Variants in FOXP2 observed in about 807,000 individuals in gnomAD.
FOXP2 encodes forkhead box P2.
In FOXP2, 12 loss-of-function variants were observed where a neutral mutation model predicts 115.8. That is an observed-to-expected ratio of 0.10 (90% confidence interval 0.07 to 0.17). The LOEUF (loss-of-function observed/expected upper bound fraction) is 0.17. Among genes scored for constraint, FOXP2 ranks in the 10% least tolerant of loss-of-function variants. The pLI is 1.00. For missense variants in FOXP2, 629 were observed against 843.5 expected, an observed-to-expected ratio of 0.75 and a Z score of 3.15; for synonymous variants, 328 against 297.7, an observed-to-expected ratio of 1.10 and a Z score of -1.05.
intron 1 of FOXP2, among the ~76,000 whole-genome samples, chr7:114,254,750 A>C (rs1000757059): frequency 3.3e-5 from 5 of 152,194 alleles, no homozygotes; most frequent in African/African-American, 1.2e-4. Context: ...TTCCTCCTTT[A>C]GCTCAGAGAA....
chr7:114,440,750 C>A (rs1292668361), intron 2 of FOXP2, among the ~76,000 whole-genome samples: 2 of 152,120 alleles, frequency 1.3e-5, no homozygotes, highest in African/African-American at 4.8e-5. Flanking sequence ...ATATATCATC[C>A]ATGGCTATTC....
chr7:114,282,105 T>G (rs1041433449), intron 1 of FOXP2, among the ~76,000 whole-genome samples: 3 of 152,198 alleles, frequency 2.0e-5, no homozygotes, highest in Non-Finnish European at 2.9e-5. Flanking sequence ...ACCTCAGTAC[T>G]CTACAAAGAT....
chr7:114,577,864 A>T (rs902454625), intron 3 of FOXP2, among the ~76,000 whole-genome samples: 15 of 151,948 alleles, frequency 9.9e-5, no homozygotes, highest in Non-Finnish European at 1.5e-4. Context: ...ATCATAAGAG[A>T]TTATAATAAA....
At chr7:114,148,446 C>A (rs1316016044) in intron 1 of FOXP2, among the ~76,000 whole-genome samples, 1 of 152,034 alleles carries the variant, frequency 6.6e-6, no homozygotes, top group Non-Finnish European at 1.5e-5. Flanking sequence ...TTCACTTATC[C>A]TCTCCACCTG....
intron 8 of FOXP2, among the ~76,000 whole-genome samples, chr7:114,647,782 G>A (rs1024909777): frequency 6.6e-6 from 1 of 152,008 alleles, no homozygotes; most frequent in Non-Finnish European, 1.5e-5. Flanking sequence ...TTGGAACTAA[G>A]TCAGCTTGAA....
At chr7:114,600,791 A>G (rs1252423722) in intron 3 of FOXP2, among the ~76,000 whole-genome samples, 2 of 152,134 alleles carry the variant, frequency 1.3e-5, no homozygotes, top group Non-Finnish European at 2.9e-5. Context: ...TCATCTGTGT[A>G]TCTTCTTTGG....
chr7:114,458,004 A>G (rs1370076914), intron 2 of FOXP2, among the ~76,000 whole-genome samples: 1 of 152,234 alleles, frequency 6.6e-6, no homozygotes, highest in African/African-American at 2.4e-5. Context: ...AGAAATTAAG[A>G]TTTTAAAAAT....
At chr7:114,365,078 G>A (rs1381350346) in intron 2 of FOXP2, among the ~76,000 whole-genome samples, 1 of 152,076 alleles carries the variant, frequency 6.6e-6, no homozygotes, top group Non-Finnish European at 1.5e-5. Context: ...TATGAACATA[G>A]CTAGGATTCA....
chr7:114,347,588 A>C (rs747728185), intron 2 of FOXP2, among the ~76,000 whole-genome samples: 9 of 152,066 alleles, frequency 5.9e-5, no homozygotes, highest in Non-Finnish European at 8.8e-5. Flanking sequence ...TCTCCAAATA[A>C]TAGATATCTA....
chr7:114,221,528 ATG>A (rs1337717014), intron 1 of FOXP2, among the ~76,000 whole-genome samples: 1 of 152,052 alleles, frequency 6.6e-6, no homozygotes, highest in Admixed American at 6.6e-5. Flanking sequence ...CACTTTTTCC[ATG>A]TGTATCTTCC....
intron 3 of FOXP2, among the ~76,000 whole-genome samples, chr7:114,590,773 AG>A (rs2129307726): frequency 6.6e-6 from 1 of 152,244 alleles, no homozygotes; most frequent in East Asian, 1.9e-4. Context: ...AAGTGGATGA[AG>A]GGTAGGTATG....
chr7:114,147,579 T>C (rs1399122806), intron 1 of FOXP2, among the ~76,000 whole-genome samples: 1 of 152,188 alleles, frequency 6.6e-6, no homozygotes, highest in Non-Finnish European at 1.5e-5. Context: ...CTGCCACAAG[T>C]CCATGTTTAT....
chr7:114,512,022 A>T (rs969092394), intron 2 of FOXP2, among the ~76,000 whole-genome samples: 1 of 152,170 alleles, frequency 6.6e-6, no homozygotes, highest in Admixed American at 6.6e-5. Context: ...TTATTCATTT[A>T]TCAGCTGGAA....
chr7:114,567,335 T>A (rs1801076079), intron 3 of FOXP2, among the ~76,000 whole-genome samples: 1 of 152,096 alleles, frequency 6.6e-6, no homozygotes, highest in South Asian at 2.1e-4. Context: ...CTTATTATCC[T>A]CTGTCTAGAG....
intron 1 of FOXP2, among the ~76,000 whole-genome samples, chr7:114,199,206 A>G (rs1374850122): frequency 6.6e-6 from 1 of 151,920 alleles, no homozygotes; most frequent in Non-Finnish European, 1.5e-5. Context: ...TCACCTGAAA[A>G]TTTTCTTCAC....
At chr7:114,337,920 TG>T (rs1262412814) in intron 2 of FOXP2, among the ~76,000 whole-genome samples, 2 of 151,170 alleles carry the variant, frequency 1.3e-5, no homozygotes, top group African/African-American at 4.8e-5. Flanking sequence ...GATACAGGTT[TG>T]TAACATTAGA....
intron 3 of FOXP2, among the ~76,000 whole-genome samples, chr7:114,620,434 A>G (rs1804185929): frequency 6.6e-6 from 1 of 152,068 alleles, no homozygotes; most frequent in African/African-American, 2.4e-5. Context: ...TAATTCACTG[A>G]GCTGCTTGAA....
intron 1 of FOXP2, among the ~76,000 whole-genome samples, chr7:114,179,487 T>G (rs1793402550): frequency 6.6e-6 from 1 of 151,994 alleles, no homozygotes. Flanking sequence ...AAGCCTGTGT[T>G]TTCAATGCAT....
Position 114,487,812 on chromosome 7 carries a change from A to G in FOXP2, c.169-46805A>G, listed in dbSNP as rs185325120. On this transcript the variant is annotated intron_variant, in intron 2 of 16. Coordinates refer to ENST00000350908, the MANE Select transcript of FOXP2 (RefSeq NM_014491.4). Reference sequence around the variant, plus strand: ...ATCACCCTGGACTTTTATTGTTTATATCACCATCAGCATATTGGTCAAAGC... The same window carrying G: ...ATCACCCTGGACTTTTATTGTTTATGTCACCATCAGCATATTGGTCAAAGC... Among the ~76,000 whole-genome samples, 208 of 152,230 alleles carry G rather than the reference A, an allele frequency of 1.4e-3. 2 individuals are homozygous for G. Among genetic ancestry groups the G allele is most frequent in the Middle Eastern group, 0.014 (4 of 294 alleles).
Sources: gnomAD v4.1 joint callset for allele counts (sites outside exome capture counted in the v4.1 genomes callset) on GRCh38, gnomAD v4.1.1 for gene constraint, MANE v1.5 for transcripts, NCBI Gene and HGNC (gene_info 2026-07-23, HGNC 2026-07-21) for gene names.